Variants in CFAP54 observed in about 807,000 individuals in gnomAD.
The protein encoded by CFAP54 is cilia- and flagella-associated protein 54.
A neutral mutation model predicts 370.4 loss-of-function variants in CFAP54; 290 were observed. That is an observed-to-expected ratio of 0.78 (90% CI 0.71 to 0.86). The LOEUF (loss-of-function observed/expected upper bound fraction) is 0.86. CFAP54 is among the 40% of genes least tolerant of loss of function. CFAP54 has a pLI of 0.00. For synonymous variants in CFAP54, 1,206 were observed against 1,236.5 expected (o/e 0.98, Z 0.52); for missense variants, 3,399 against 3,528.7 (o/e 0.96, Z 0.93).
intron 45 of CFAP54, among the ~76,000 whole-genome samples, chr12:96,695,089 C>T (rs1484291527): frequency 6.6e-6 from 1 of 152,160 alleles, no homozygotes; most frequent in Non-Finnish European, 1.5e-5. Context: ...TTTCAATCTC[C>T]ATCCATGGTG....
At chr12:96,654,488 G>A (rs1956898292) in intron 36 of CFAP54, among the ~76,000 whole-genome samples, 1 of 131,548 alleles carries the variant, frequency 7.6e-6, no homozygotes, top group Admixed American at 8.2e-5. Flanking sequence ...GCGACAGAGC[G>A]AGACTCCGTC....
intron 26 of CFAP54, among the ~76,000 whole-genome samples, chr12:96,616,180 G>A (rs1311656969): frequency 1.3e-5 from 2 of 152,190 alleles, no homozygotes; most frequent in African/African-American, 2.4e-5. Context: ...ATACTATGTA[G>A]CCATAAAAAG....
intron 17 of CFAP54, among the ~76,000 whole-genome samples, chr12:96,556,174 A>G (rs1955749379): frequency 6.6e-6 from 1 of 152,080 alleles, no homozygotes; most frequent in African/African-American, 2.4e-5. Context: ...ATGGTAGAAT[A>G]TATTTCTAAG....
In CFAP54 at chr12:96,589,541, A is replaced by G. The variant is rs895777913; in HGVS notation, c.3190A>G (p.Ile1064Val). ...ACAATCTGTTATTTGTTTAAGCAAT[A>G]TAATTACTATTACACAAAGAAGGTA... ...DEQSVICLSN[I>V]ITITQRRLHS... Residue 1064 changes from isoleucine (I) to valine (V), a missense_variant, in exon 23 of 68, where the codon ATA becomes GTA. By Grantham distance (29) the Ile-to-Val change is conservative. Transcript: ENST00000524981. 10 of 1,462,492 alleles carry G rather than the reference A, an allele frequency of 6.8e-6. No homozygotes were observed. Among genetic ancestry groups the G allele is most frequent in the Non-Finnish European group, 9.2e-6 (10 of 1,081,310 alleles). The allele number at this position is 1,462,492 out of a possible 1,614,324, so 90.6% of individuals were successfully genotyped here. A position where few individuals can be genotyped will look rare whatever the true frequency, so the allele number is the denominator to read the frequency against.
intron 67 of CFAP54, among the ~76,000 whole-genome samples, chr12:96,872,902 G>C (rs146453865): frequency 5.3e-5 from 8 of 152,252 alleles, no homozygotes; most frequent in South Asian, 4.1e-4. Flanking sequence ...AACTGGAATG[G>C]CTGCCTATCC....
At chr12:96,836,821 T>G (rs1959187600) in intron 66 of CFAP54, among the ~76,000 whole-genome samples, 2 of 152,230 alleles carry the variant, frequency 1.3e-5, no homozygotes, top group Admixed American at 1.3e-4. Flanking sequence ...TTCTGATTTT[T>G]TAAATTATGT....
At chr12:96,864,888 C>T (rs1440910959) in intron 67 of CFAP54, among the ~76,000 whole-genome samples, 1 of 152,040 alleles carries the variant, frequency 6.6e-6, no homozygotes, top group Non-Finnish European at 1.5e-5. Context: ...CCCATAAAAC[C>T]TGAAAACTTA....
chr12:96,726,147 T>G (rs1957832028), intron 50 of CFAP54, among the ~76,000 whole-genome samples: 1 of 150,876 alleles, frequency 6.6e-6, no homozygotes, highest in Admixed American at 6.6e-5. Context: ...CTTTTTTGGT[T>G]GTGTCTCTGC....
At chr12:96,862,795 C>A (rs943640842) in intron 67 of CFAP54, among the ~76,000 whole-genome samples, 5 of 152,134 alleles carry the variant, frequency 3.3e-5, no homozygotes, top group Non-Finnish European at 5.9e-5. Flanking sequence ...GTCCTTTGGT[C>A]TGAGGCTGGG....
intron 15 of CFAP54, among the ~76,000 whole-genome samples, chr12:96,548,799 T>A (rs1955665860): frequency 6.6e-6 from 1 of 151,980 alleles, no homozygotes; most frequent in African/African-American, 2.4e-5. Context: ...TATCTCTCAC[T>A]CCAGACATAT....
chr12:96,518,640 T>A (rs2136365739), intron 5 of CFAP54, among the ~76,000 whole-genome samples: 1 of 152,304 alleles, frequency 6.6e-6, no homozygotes, highest in East Asian at 1.9e-4. Context: ...AAGCTGCGAT[T>A]GTGCCATTGC....
At chr12:96,859,557 C>G (rs906887418) in intron 66 of CFAP54, among the ~76,000 whole-genome samples, 1 of 152,114 alleles carries the variant, frequency 6.6e-6, no homozygotes, top group Non-Finnish European at 1.5e-5. Flanking sequence ...GGGCACCCAC[C>G]ACCATGCCTG....
rs368615141 is a variant in CFAP54 at position 96,720,400 on chromosome 12, C to G, written c.6805-5C>G. The G allele has an allele frequency of 2.5e-5, 37 of 1,482,234 alleles. No homozygotes were observed. Among genetic ancestry groups the G allele is most frequent in the Non-Finnish European group, 3.0e-5 (33 of 1,107,482 alleles). The allele number at this position is 1,482,234 out of a possible 1,614,324, so 91.8% of individuals were successfully genotyped here. ...CTCACGTGATGTATGGTATCCTTTC[C>G]TTAGTCGATGTTACTGATGGAAGCT... On this transcript the variant is annotated splice_polypyrimidine_tract_variant and splice_region_variant and intron_variant, in intron 49 of 67. Coordinates refer to ENST00000524981, the MANE Select transcript of CFAP54 (RefSeq NM_001306084.2).
At chr12:96,573,078 G>A (rs1955939583) in intron 19 of CFAP54, 7 of 947,686 alleles carry the variant, frequency 7.4e-6, no homozygotes, top group Non-Finnish European at 7.5e-6. Context: ...TGACTATAAG[G>A]GCCAGTGGGC....
rs569301713 is a variant in CFAP54, at chr12:96,846,834, A to G, written c.9172-13985A>G. On this transcript the variant is annotated intron_variant, in intron 66 of 67. Transcript: ENST00000524981. ...CTAGCTGAGCACTGTCCTGGTTTGC[A>G]TAATACCAGGTATGACAGTTGTGCA... is the stretch of plus-strand genomic sequence containing the variant. Among the ~76,000 whole-genome samples, 85 of 152,294 alleles carry G rather than the reference A, an allele frequency of 5.6e-4. 1 individual carries two copies. Among genetic ancestry groups the G allele is most frequent in the African/African-American group, 2.0e-3 (84 of 41,562 alleles).
Position 96,649,909 on chromosome 12 carries a change from C to T in CFAP54, c.4709C>T (p.Thr1570Ile), listed in dbSNP as rs375520461. 3.1e-6 allele frequency: 5 copies of T among 1,595,718 alleles called. No individual in the cohort carries two copies. The highest frequency in any genetic ancestry group is 1.8e-5 in the Admixed American group (1 of 56,700). ...NLPSDAEEFS[T>I]FINSIMSDEN... Reference sequence around the variant, plus strand: ...ACTGTAGATGCTGAAGAATTTTCTACATTTATTAATTCCATAATGAGTGAT... The same window carrying T: ...ACTGTAGATGCTGAAGAATTTTCTATATTTATTAATTCCATAATGAGTGAT... Residue 1570 changes from threonine (T) to isoleucine (I), a missense_variant, in exon 35 of 68, where the codon ACA (threonine) becomes ATA (isoleucine). Transcript: ENST00000524981.
intron 8 of CFAP54, among the ~76,000 whole-genome samples, chr12:96,522,996 C>T (rs1369129466): frequency 6.6e-6 from 1 of 152,184 alleles, no homozygotes; most frequent in Non-Finnish European, 1.5e-5. Flanking sequence ...GGCCCTTTTT[C>T]TTCCCCTTGT....
intron 17 of CFAP54, among the ~76,000 whole-genome samples, chr12:96,564,068 G>A (rs1955840618): frequency 6.6e-6 from 1 of 152,148 alleles, no homozygotes; most frequent in South Asian, 2.1e-4. Context: ...AAGGGACCTT[G>A]GATGAAACAG....
chr12:96,764,231 A>C lies in CFAP54; in HGVS notation c.8121A>C (p.Ala2707=). The C allele has an allele frequency of 3.7e-6, 6 of 1,612,616 alleles. No individual in the cohort carries two copies. Among genetic ancestry groups the C allele is most frequent in the Non-Finnish European group, 5.1e-6 (6 of 1,179,132 alleles). The change falls in exon 59 of 68, where the codon GCA becomes GCC. Residue 2707 remains alanine, a synonymous_variant. Transcript: ENST00000524981. The part of the protein sequence containing the change: ...FEMYSSLAWI[A]IRAAAQVSEA... ...TGTACAGTTCATTAGCCTGGATTGC[A>C]ATAAGAGCTGCTGCACAGGTTGGTG...
Sources: allele counts gnomAD v4.1 joint callset (sites outside exome capture counted in the v4.1 genomes callset), GRCh38; gene constraint gnomAD v4.1.1; transcripts MANE v1.5; gene names NCBI Gene and HGNC (gene_info 2026-07-23, HGNC 2026-07-21).